Variants in SLIT3 observed in about 807,000 individuals in gnomAD.
SLIT3 encodes the protein slit guidance ligand 3.
Under a neutral mutation model 184.0 loss-of-function variants are expected in SLIT3, and 68 were observed. The ratio of observed to expected loss-of-function variants is 0.37; its 90% CI spans 0.30 to 0.45. The LOEUF (loss-of-function observed/expected upper bound fraction) is 0.45. Among genes scored for constraint, SLIT3 ranks in the 20% least tolerant of loss-of-function variants. SLIT3 has a pLI of 1.00. For synonymous variants in SLIT3, 831 were observed against 828.6 expected (o/e 1.00, Z -0.05); for missense variants, 1,707 against 2,026.0 (o/e 0.84, Z 3.02).
At chr5:168,714,879 G>A (rs1042724488) in intron 23 of SLIT3, among the ~76,000 whole-genome samples, 1 of 152,172 alleles carries the variant, frequency 6.6e-6, no homozygotes, top group Non-Finnish European at 1.5e-5. Flanking sequence ...AACTCTTAGG[G>A]GATGTTAAAG....
intron 23 of SLIT3, among the ~76,000 whole-genome samples, chr5:168,721,227 A>G (rs1762932089): frequency 6.6e-6 from 1 of 152,208 alleles, no homozygotes; most frequent in African/African-American, 2.4e-5. Context: ...GACCAAAGGA[A>G]TTCAAAGGAA....
intron 23 of SLIT3, among the ~76,000 whole-genome samples, chr5:168,715,984 T>C (rs1366012642): frequency 6.6e-6 from 1 of 151,832 alleles, no homozygotes; most frequent in East Asian, 1.9e-4. Context: ...CATATTTCTT[T>C]TTCAGACAGA....
At chr5:169,160,798 C>T (rs139585908) in intron 4 of SLIT3, among the ~76,000 whole-genome samples, 2 of 152,184 alleles carry the variant, frequency 1.3e-5, no homozygotes, top group East Asian at 1.9e-4. Flanking sequence ...AGGCCAACCA[C>T]GTGAAGCCCA....
chr5:169,144,040 A>G (rs1410842277), intron 4 of SLIT3, among the ~76,000 whole-genome samples: 1 of 152,214 alleles, frequency 6.6e-6, no homozygotes, highest in Non-Finnish European at 1.5e-5. Context: ...AGAGAAAAGC[A>G]AGGTGCATAG....
chr5:169,188,999 T>C (rs1763450821), intron 4 of SLIT3, among the ~76,000 whole-genome samples: 1 of 152,148 alleles, frequency 6.6e-6, no homozygotes, highest in Non-Finnish European at 1.5e-5. Flanking sequence ...TACGTCAGGA[T>C]GGCAGGGGAC....
intron 1 of SLIT3, among the ~76,000 whole-genome samples, chr5:169,266,484 C>T (rs914453827): frequency 2.0e-5 from 3 of 152,148 alleles, no homozygotes; most frequent in Admixed American, 6.5e-5. Flanking sequence ...AAGCATGACA[C>T]TCTCCTTCCC....
chr5:169,056,485 T>C (rs11957362), intron 4 of SLIT3, among the ~76,000 whole-genome samples: 23,200 of 152,176 alleles, frequency 0.15, 2,656 homozygotes, highest in African/African-American at 0.31. Flanking sequence ...CAATGAACAC[T>C]GTTGAGTGAT....
intron 4 of SLIT3, among the ~76,000 whole-genome samples, chr5:169,094,458 G>A (rs570874640): frequency 2.6e-5 from 4 of 152,230 alleles, no homozygotes; most frequent in South Asian, 4.1e-4. Flanking sequence ...GTGAAACCCC[G>A]TCTCTACTAA....
At chr5:168,987,511 T>C (rs543520844) in intron 4 of SLIT3, among the ~76,000 whole-genome samples, 7 of 152,328 alleles carry the variant, frequency 4.6e-5, no homozygotes, top group African/African-American at 1.7e-4. Context: ...ATCTGTAAAA[T>C]GGTGATGATT....
In SLIT3 at chr5:168,762,231, C is replaced by T. The variant is rs541452821; in HGVS notation, c.1610+308G>A. 3.9e-5 allele frequency among the ~76,000 whole-genome samples: 6 copies of T among 152,260 alleles called. No individual in the cohort carries two copies. The East Asian group carries it at 5.8e-4, about 15-fold the overall frequency. ...AACTTTCTGGTTTTACTGTAAGCTC[C>T]GTAAGGGTTGGCAGGGACTACCTGC... On this transcript the variant is annotated intron_variant, in intron 15 of 35. Coordinates refer to ENST00000519560, the MANE Select transcript of SLIT3 (RefSeq NM_003062.4).
intron 4 of SLIT3, among the ~76,000 whole-genome samples, chr5:168,936,637 A>G (rs1027969459): frequency 1.3e-5 from 2 of 152,164 alleles, no homozygotes; most frequent in African/African-American, 4.8e-5. Context: ...TGATAAAAGC[A>G]GCTGACATTA....
chr5:168,944,210 C>T (rs569267164), intron 4 of SLIT3, among the ~76,000 whole-genome samples: 9 of 152,228 alleles, frequency 5.9e-5, no homozygotes, highest in East Asian at 1.9e-4. Context: ...CCCCTCCTAT[C>T]GCTGACAACC....
intron 4 of SLIT3, among the ~76,000 whole-genome samples, chr5:169,044,209 C>T (rs1270925722): frequency 2.0e-5 from 3 of 152,138 alleles, no homozygotes; most frequent in African/African-American, 7.2e-5. Context: ...ATGGCGTGGC[C>T]ATTGTGGAAA....
chr5:168,700,727 G>T, intron 26 of SLIT3, 48 bp from the exon 27 acceptor site: 1 of 1,414,644 alleles, frequency 7.1e-7, no homozygotes, highest in Non-Finnish European at 1.0e-6. Context: ...GACTTCTGGG[G>T]CTGCCATGGC....
intron 20 of SLIT3, among the ~76,000 whole-genome samples, chr5:168,747,655 G>T (rs548809441): frequency 2.6e-5 from 4 of 152,228 alleles, no homozygotes; most frequent in African/African-American, 9.6e-5. Context: ...AATATTAAGA[G>T]CCCTACAGGA....
intron 14 of SLIT3, among the ~76,000 whole-genome samples, chr5:168,766,856 C>T (rs1755362944): frequency 6.6e-6 from 1 of 152,228 alleles, no homozygotes; most frequent in African/African-American, 2.4e-5. Flanking sequence ...CTCTCTTACT[C>T]AAGTTCTTTC....
rs771685664 is a variant in SLIT3, at chr5:169,200,008, T to G, written c.342-6458A>C. 2.6e-5 allele frequency among the ~76,000 whole-genome samples: 4 copies of G among 152,182 alleles called. No homozygotes were observed. The South Asian group carries it at 8.3e-4, about 32-fold the overall frequency. On this transcript the variant is annotated intron_variant, in intron 3 of 35. Coordinates refer to ENST00000519560, the MANE Select transcript of SLIT3 (RefSeq NM_003062.4). The stretch of plus-strand genomic sequence containing the variant: ...GCCCTGCTGATCCGGGAAGTCACAC[T>G]GTGTGAGGGTAAACAGGGCTCCCAG...
chr5:168,788,313 C>T (rs1259146748), intron 11 of SLIT3, among the ~76,000 whole-genome samples: 1 of 152,220 alleles, frequency 6.6e-6, no homozygotes, highest in Admixed American at 6.5e-5. Flanking sequence ...CTAATTTACT[C>T]TGCAAGCAGC....
intron 9 of SLIT3, among the ~76,000 whole-genome samples, chr5:168,800,460 G>A (rs1756726111): frequency 6.6e-6 from 1 of 152,166 alleles, no homozygotes; most frequent in Non-Finnish European, 1.5e-5. Context: ...GGTGGTGGGT[G>A]TCTGTAATCC....
Sources: allele counts gnomAD v4.1 joint callset (sites outside exome capture counted in the v4.1 genomes callset), GRCh38; gene constraint gnomAD v4.1.1; transcripts MANE v1.5; gene names NCBI Gene and HGNC (gene_info 2026-07-23, HGNC 2026-07-21).